Variants in CACNA2D3 observed in about 807,000 individuals in gnomAD.
CACNA2D3 encodes the protein calcium voltage-gated channel auxiliary subunit alpha2delta 3.
In CACNA2D3, 60 loss-of-function variants were observed where a neutral mutation model predicts 160.6. The ratio of observed to expected loss-of-function variants is 0.37; its 90% CI spans 0.30 to 0.46. CACNA2D3 has a LOEUF of 0.46. Ranked by LOEUF, CACNA2D3 falls within the 20% of genes least tolerant of loss-of-function variation. CACNA2D3 has a pLI of 1.00. For synonymous variants in CACNA2D3, 558 were observed against 492.9 expected (o/e 1.13, Z -1.75); for missense variants, 1,205 against 1,365.0 (o/e 0.88, Z 1.85).
At chr3:54,218,524 T>TA (rs1701504239) in intron 2 of CACNA2D3, among the ~76,000 whole-genome samples, 1 of 152,358 alleles carries the variant, frequency 6.6e-6, no homozygotes, top group East Asian at 1.9e-4. Context: ...ACTTCTGTCT[T>TA]ACAGTTTTTA....
intron 35 of CACNA2D3, among the ~76,000 whole-genome samples, chr3:55,041,130 T>C (rs1703950882): frequency 6.6e-6 from 1 of 152,210 alleles, no homozygotes; most frequent in Non-Finnish European, 1.5e-5. Context: ...GTTTCAAAGC[T>C]GCATGGTACT....
chr3:54,239,038 T>G (rs1261230836), intron 2 of CACNA2D3, among the ~76,000 whole-genome samples: 1 of 152,246 alleles, frequency 6.6e-6, no homozygotes, highest in Non-Finnish European at 1.5e-5. Context: ...CAGTCATTCT[T>G]CCTAATGATT....
At chr3:54,474,066 A>T (rs1378840554) in intron 4 of CACNA2D3, among the ~76,000 whole-genome samples, 1 of 152,212 alleles carries the variant, frequency 6.6e-6, no homozygotes, top group African/African-American at 2.4e-5. Context: ...CCAAAGGATT[A>T]TGAATCATTC....
chr3:54,944,986 A>G (rs1034288394), intron 27 of CACNA2D3, among the ~76,000 whole-genome samples: 41 of 152,178 alleles, frequency 2.7e-4, no homozygotes, highest in African/African-American at 8.9e-4. Context: ...TTCTCCACAA[A>G]TAGACTTTAC....
chr3:54,539,129 C>T (rs912272463), intron 5 of CACNA2D3, among the ~76,000 whole-genome samples: 2 of 152,152 alleles, frequency 1.3e-5, no homozygotes, highest in Admixed American at 6.5e-5. Flanking sequence ...TCAGTTGTGT[C>T]GGCCGTGTTC....
chr3:54,400,366 T>A lies in CACNA2D3; in HGVS notation c.381+13592T>A, dbSNP rs535339863. Among the ~76,000 whole-genome samples the A allele has an allele frequency of 2.6e-5, 4 of 151,802 alleles. No homozygotes were observed. The East Asian group carries it at 5.9e-4, about 22-fold the overall frequency. On this transcript the variant is annotated intron_variant, in intron 4 of 37. Coordinates refer to ENST00000474759, the MANE Select transcript of CACNA2D3 (RefSeq NM_018398.3). ...TTAGAACTCAGGTGCCAAAATAAGC[T>A]CATGAAACCCTGAGCCCACGACTCC...
At chr3:54,473,381 C>A (rs1259978046) in intron 4 of CACNA2D3, among the ~76,000 whole-genome samples, 1 of 152,056 alleles carries the variant, frequency 6.6e-6, no homozygotes, top group Non-Finnish European at 1.5e-5. Context: ...AAAAAATTAA[C>A]TCAGGATGGA....
chr3:54,805,416 A>G (rs141492687), intron 13 of CACNA2D3, among the ~76,000 whole-genome samples: 111,673 of 151,868 alleles, frequency 0.74, 41,841 homozygotes, highest in African/African-American at 0.88. Context: ...AGAGAATACT[A>G]CAAACACCTC....
chr3:54,936,364 G>A (rs767756709), intron 27 of CACNA2D3, among the ~76,000 whole-genome samples: 1 of 152,166 alleles, frequency 6.6e-6, no homozygotes, highest in Non-Finnish European at 1.5e-5. Flanking sequence ...AAGCCTTTGT[G>A]TGTGTGCCTA....
At chr3:54,936,817 G>A (rs1360037108) in intron 27 of CACNA2D3, among the ~76,000 whole-genome samples, 5 of 152,148 alleles carry the variant, frequency 3.3e-5, no homozygotes, top group African/African-American at 9.7e-5. Flanking sequence ...GTTGATAGGA[G>A]TGGAAACATT....
chr3:54,677,424 T>C (rs114970247), intron 11 of CACNA2D3, among the ~76,000 whole-genome samples: 3 of 152,270 alleles, frequency 2.0e-5, no homozygotes, highest in African/African-American at 4.8e-5. Flanking sequence ...CCTGGACTTA[T>C]AAATGGTACT....
chr3:54,605,602 G>A (rs1431259129), intron 9 of CACNA2D3, among the ~76,000 whole-genome samples: 3 of 151,836 alleles, frequency 2.0e-5, no homozygotes, highest in South Asian at 4.2e-4. Flanking sequence ...TTATTGTTAC[G>A]CTATTTTACC....
chr3:54,263,318 A>G (rs1322879273), intron 2 of CACNA2D3, among the ~76,000 whole-genome samples: 1 of 152,212 alleles, frequency 6.6e-6, no homozygotes, highest in Admixed American at 6.5e-5. Flanking sequence ...AGTCAGAAAT[A>G]GTATACATGT....
intron 11 of CACNA2D3, among the ~76,000 whole-genome samples, chr3:54,689,138 C>A (rs1325891712): frequency 6.6e-6 from 1 of 152,084 alleles, no homozygotes; most frequent in Admixed American, 6.5e-5. Flanking sequence ...AGTTCATTTT[C>A]AGTGTTTCTT....
intron 29 of CACNA2D3, among the ~76,000 whole-genome samples, chr3:54,972,612 C>T (rs1402826830): frequency 6.6e-6 from 1 of 152,180 alleles, no homozygotes; most frequent in African/African-American, 2.4e-5. Flanking sequence ...TTATCAGACA[C>T]ACTTAGCCTT....
intron 2 of CACNA2D3, among the ~76,000 whole-genome samples, chr3:54,131,304 A>G (rs1413523249): frequency 6.6e-6 from 1 of 152,188 alleles, no homozygotes; most frequent in Non-Finnish European, 1.5e-5. Flanking sequence ...CTGTCAAGAT[A>G]TGCACCCTTC....
intron 13 of CACNA2D3, among the ~76,000 whole-genome samples, chr3:54,799,048 TTTTG>T (rs1702928528): frequency 6.6e-6 from 1 of 152,208 alleles, no homozygotes. Flanking sequence ...TGGTGATTGT[TTTTG>T]TTTGGTGTTC....
intron 2 of CACNA2D3, among the ~76,000 whole-genome samples, chr3:54,174,060 ATAGTT>A (rs1382119076): frequency 6.6e-6 from 1 of 152,210 alleles, no homozygotes; most frequent in Non-Finnish European, 1.5e-5. Context: ...TGGATAATAA[ATAGTT>A]TAGGCTTTGC....
intron 4 of CACNA2D3, among the ~76,000 whole-genome samples, chr3:54,470,569 A>G (rs1012017363): frequency 1.3e-5 from 2 of 152,228 alleles, no homozygotes; most frequent in African/African-American, 4.8e-5. Flanking sequence ...GAAAGGATCA[A>G]ATTCCTACAT....
Sources: allele counts gnomAD v4.1 joint callset (sites outside exome capture counted in the v4.1 genomes callset), GRCh38; gene constraint gnomAD v4.1.1; transcripts MANE v1.5; gene names NCBI Gene and HGNC (gene_info 2026-07-23, HGNC 2026-07-21).